Variants in EVA1A observed in about 807,000 individuals in gnomAD.
EVA1A encodes eva-1 homolog A, regulator of programmed cell death.
In EVA1A, 7 loss-of-function variants were observed where a neutral mutation model predicts 9.8. The ratio of observed to expected loss-of-function variants is 0.71; its 90% CI spans 0.41 to 1.34. The LOEUF (loss-of-function observed/expected upper bound fraction) is 1.34, where lower values mean the gene tolerates loss of function less well. EVA1A is among the 40% of genes most tolerant of loss of function. The pLI, the probability that EVA1A is intolerant of heterozygous loss-of-function variation, is 0.01. For missense variants in EVA1A, 206 were observed against 205.9 expected (o/e 1.00, Z 0.00); for synonymous variants, 90 against 85.6 (o/e 1.05, Z -0.28).
At chr2:75,515,258 T>C (rs1273058866) in intron 3 of EVA1A, among the ~76,000 whole-genome samples, 2 of 152,182 alleles carry the variant, frequency 1.3e-5, no homozygotes, top group Non-Finnish European at 2.9e-5. Flanking sequence ...GTAGGGCCCA[T>C]TGTGGTAAGC....
intron 1 of EVA1A, among the ~76,000 whole-genome samples, chr2:75,525,110 G>A: frequency 6.6e-6 from 1 of 151,706 alleles, no homozygotes; most frequent in Non-Finnish European, 1.5e-5. Flanking sequence ...AATATACAAT[G>A]TATATATGTA....
At chr2:75,539,900 A>G (rs1676050263) in intron 1 of EVA1A, among the ~76,000 whole-genome samples, 2 of 152,206 alleles carry the variant, frequency 1.3e-5, no homozygotes, top group Non-Finnish European at 2.9e-5. Flanking sequence ...CAATGTTGCC[A>G]AAGCCCAGGA....
upstream of EVA1A, among the ~76,000 whole-genome samples, chr2:75,564,710 A>G (rs555312872): frequency 1.4e-4 from 22 of 152,108 alleles, no homozygotes; most frequent in Non-Finnish European, 2.5e-4. Flanking sequence ...ACTGAGCACC[A>G]CCGATCAGCT....
chr2:75,530,518 C>G (rs1458296679), intron 1 of EVA1A, among the ~76,000 whole-genome samples: 1 of 152,124 alleles, frequency 6.6e-6, no homozygotes, highest in Non-Finnish European at 1.5e-5. Context: ...TACTAGCTAA[C>G]TGAATCCAAC....
At chr2:75,562,962 G>T (rs1223799202), upstream of EVA1A, among the ~76,000 whole-genome samples, 1 of 152,186 alleles carries the variant, frequency 6.6e-6, no homozygotes, top group African/African-American at 2.4e-5. Flanking sequence ...CTATAGATGG[G>T]CCCTAATCTT....
rs775760761 is a variant in EVA1A, at chr2:75,518,067, G to A, written c.74C>T (p.Ser25Phe). 4 of 1,614,132 alleles carry A rather than the reference G, an allele frequency of 2.5e-6. No individual in the cohort carries two copies. In the South Asian group the frequency reaches 4.4e-5, roughly 18 times the overall value. ...AACCAGGCACCTACCTGAGACAAAG[G>A]AATAGGCCGCTAGGATGTTGCTGAG... is the stretch of plus-strand genomic sequence containing the variant. ...ALLSNILAAY[S>F]FVSENPERAA... Residue 25 changes from serine to phenylalanine, a missense_variant, in exon 3 of 4, where the codon TCC becomes TTC. By Grantham distance (155) the Ser-to-Phe change is radical. Transcript: ENST00000393913.
chr2:75,511,934 T>C (rs1435779562), intron 3 of EVA1A, among the ~76,000 whole-genome samples: 3 of 151,826 alleles, frequency 2.0e-5, no homozygotes, highest in African/African-American at 7.3e-5. Flanking sequence ...ATGGGAAAAA[T>C]AGGAAGAAGG....
At chr2:75,501,637 C>T (rs571129640) in intron 3 of EVA1A, among the ~76,000 whole-genome samples, 1 of 152,284 alleles carries the variant, frequency 6.6e-6, no homozygotes, top group African/African-American at 2.4e-5. Context: ...AGTTATGCCA[C>T]AGCTTTTCTG....
chr2:75,536,479 G>A (rs936663451), intron 1 of EVA1A, among the ~76,000 whole-genome samples: 5 of 152,024 alleles, frequency 3.3e-5, no homozygotes, highest in African/African-American at 9.7e-5. Flanking sequence ...TATCTATTAA[G>A]TCTATAAAGT....
chr2:75,552,028 C>G lies in EVA1A; in HGVS notation c.-192+8652G>C, dbSNP rs1676541791. Among the ~76,000 whole-genome samples the G allele has an allele frequency of 3.3e-5, 5 of 152,022 alleles. No homozygotes were observed. In the South Asian group the frequency reaches 1.0e-3, roughly 32 times the overall value. ...AGACCCTGCTCTACAAAAAGTTTTA[C>G]AAATTAGCTGGACATAGTGGCATAT... is the stretch of plus-strand genomic sequence containing the variant. On this transcript the variant is annotated intron_variant, in intron 1 of 3. Transcript: ENST00000393913.
At chr2:75,526,366 G>C (rs56255832) in intron 1 of EVA1A, among the ~76,000 whole-genome samples, 1 of 152,298 alleles carries the variant, frequency 6.6e-6, no homozygotes, top group Non-Finnish European at 1.5e-5. Context: ...TAACTACTGA[G>C]TATTAATTTA....
rs145999768 is a variant in EVA1A at position 75,546,689 on chromosome 2, T to C, written c.-192+13991A>G. On this transcript the variant is annotated intron_variant, in intron 1 of 3. Transcript: ENST00000393913. ...TCATGTTAGGGGTTGAATTGTGTCTTTTCCCCTAAAAATATGGGGAACTCC... is the reference window on the plus strand; with the variant it reads ...TCATGTTAGGGGTTGAATTGTGTCTCTTCCCCTAAAAATATGGGGAACTCC... Among the ~76,000 whole-genome samples, 644 of 152,204 alleles carry C rather than the reference T, an allele frequency of 4.2e-3. 6 individuals are homozygous for C. The highest frequency in any genetic ancestry group is 0.014 in the African/African-American group (592 of 41,526).
In EVA1A at chr2:75,536,366, C is replaced by G. The variant is rs995206791; in HGVS notation, c.-191-13879G>C. 1.3e-4 allele frequency among the ~76,000 whole-genome samples: 20 copies of G among 151,762 alleles called. No individual in the cohort carries two copies. In the East Asian group the frequency reaches 3.9e-3, roughly 30 times the overall value. ...AAACAAAGCAAAAACACCTCCCCCC[C>G]AAATAAAACAAAGCACAAAAACAAT... On this transcript the variant is annotated intron_variant, in intron 1 of 3. Coordinates refer to ENST00000393913, the MANE Select transcript of EVA1A (RefSeq NM_001135032.2).
intron 3 of EVA1A, among the ~76,000 whole-genome samples, chr2:75,514,615 T>C (rs1420314877): frequency 6.6e-6 from 1 of 152,178 alleles, no homozygotes; most frequent in Non-Finnish European, 1.5e-5. Flanking sequence ...CCTATACATA[T>C]GAATATACAT....
intron 3 of EVA1A, among the ~76,000 whole-genome samples, chr2:75,507,264 T>A (rs1470224999): frequency 2.6e-5 from 4 of 152,192 alleles, no homozygotes; most frequent in Non-Finnish European, 5.9e-5. Context: ...TTTGCTTTCA[T>A]GATGTTCTCC....
At chr2:75,497,284 T>C (rs533057456) in intron 3 of EVA1A, among the ~76,000 whole-genome samples, 62 of 152,280 alleles carry the variant, frequency 4.1e-4, no homozygotes, top group Non-Finnish European at 7.5e-4. Context: ...TCCTAAATTA[T>C]GCATCTGACA....
At chr2:75,508,284 G>A (rs1313579357) in intron 3 of EVA1A, among the ~76,000 whole-genome samples, 4 of 152,144 alleles carry the variant, frequency 2.6e-5, no homozygotes, top group Admixed American at 6.5e-5. Context: ...CCGGTGAGCC[G>A]GGCAGAACAG....
chr2:75,525,216 C>T (rs906150064), intron 1 of EVA1A, among the ~76,000 whole-genome samples: 1 of 152,140 alleles, frequency 6.6e-6, no homozygotes, highest in Non-Finnish European at 1.5e-5. Flanking sequence ...CTCAATCTCT[C>T]TATCTTTTGA....
At chr2:75,501,603 A>G (rs552617337) in intron 3 of EVA1A, among the ~76,000 whole-genome samples, 2 of 152,308 alleles carry the variant, frequency 1.3e-5, no homozygotes, top group East Asian at 3.9e-4. Flanking sequence ...TCCTTAATCA[A>G]GCAAAAGAAA....
Sources: gnomAD v4.1 joint callset for allele counts (sites outside exome capture counted in the v4.1 genomes callset) on GRCh38, gnomAD v4.1.1 for gene constraint, MANE v1.5 for transcripts, NCBI Gene and HGNC (gene_info 2026-07-23, HGNC 2026-07-21) for gene names.